Variants in AK5 observed in about 807,000 individuals in gnomAD.
AK5 encodes adenylate kinase 5.
Under a neutral mutation model 69.5 loss-of-function variants are expected in AK5, and 27 were observed. The observed-to-expected ratio is 0.39, with a 90% CI of 0.29 to 0.54. The LOEUF is 0.54. Ranked by LOEUF, AK5 falls within the 20% of genes least tolerant of loss-of-function variation. The pLI, the probability that AK5 is intolerant of heterozygous loss-of-function variation, is 0.71. For missense variants in AK5, 531 were observed against 700.4 expected (o/e 0.76, Z 2.73); for synonymous variants, 260 against 244.4 (o/e 1.06, Z -0.60).
chr1:77,541,685 A>G (rs2100372786), intron 13 of AK5, among the ~76,000 whole-genome samples: 1 of 152,290 alleles, frequency 6.6e-6, no homozygotes, highest in Middle Eastern at 3.4e-3. Flanking sequence ...GATCAGGCCT[A>G]AAAGGCTCAC....
chr1:77,404,183 A>G (rs78458037), intron 6 of AK5, among the ~76,000 whole-genome samples: 12,858 of 152,238 alleles, frequency 0.084, 729 homozygotes, highest in South Asian at 0.17. Context: ...TCCCAAAGTC[A>G]AGAAAACCTA....
chr1:77,434,107 CATAAATAAATAAATAAATAAATAA>C (rs144552494), intron 8 of AK5, among the ~76,000 whole-genome samples: 1 of 143,506 alleles, frequency 7.0e-6, no homozygotes, highest in Non-Finnish European at 1.5e-5. Context: ...GAGTGCAAAG[CATAAATAAATAAATAAATAAATAA>C]ATAAATAAAT....
chr1:77,298,104 C>A (rs1240379215), intron 5 of AK5, 157 bp downstream of exon 5: 5 of 429,904 alleles, frequency 1.2e-5, no homozygotes, highest in African/African-American at 2.0e-5. Context: ...AAGGTCATTT[C>A]TTTGGCAAAC....
intron 6 of AK5, among the ~76,000 whole-genome samples, chr1:77,364,021 C>T (rs548847428): frequency 1.1e-4 from 16 of 151,910 alleles, no homozygotes; most frequent in Admixed American, 2.6e-4. Context: ...GTGCATGGTA[C>T]GTGGAAAGTG....
At chr1:77,404,699 A>G (rs1196717163) in intron 6 of AK5, among the ~76,000 whole-genome samples, 1 of 152,206 alleles carries the variant, frequency 6.6e-6, no homozygotes, top group Non-Finnish European at 1.5e-5. Flanking sequence ...TCCTGATATA[A>G]GAGTAAATTG....
At position 77,297,655 on chromosome 1, in the gene AK5, T is replaced by TCCA; in HGVS notation, c.514_516dup (p.His172dup). 2 of 1,613,826 alleles carry TCCA rather than the reference T, an allele frequency of 1.2e-6. No individual in the cohort carries two copies. The highest frequency in any genetic ancestry group is 1.7e-6 in the Non-Finnish European group (2 of 1,179,920). ...GTGGGAGAATTATTAAGAAAGAAGA[T>TCCA]CCACAGTACCAGCAGCAATAGGAAA... On this transcript the variant is annotated inframe_insertion, in exon 4 of 14. Transcript: ENST00000354567.
chr1:77,390,837 A>T (rs1290204114), intron 6 of AK5, among the ~76,000 whole-genome samples: 1 of 152,226 alleles, frequency 6.6e-6, no homozygotes, highest in Non-Finnish European at 1.5e-5. Flanking sequence ...TAACAAAGAA[A>T]GGCAGAGGCA....
chr1:77,306,366 TATG>T (rs1659635846), intron 5 of AK5, among the ~76,000 whole-genome samples: 1 of 152,210 alleles, frequency 6.6e-6, no homozygotes, highest in African/African-American at 2.4e-5. Context: ...ATTCTATTCA[TATG>T]ATGTATCATG....
At chr1:77,361,541 C>T (rs1300750097) in intron 6 of AK5, among the ~76,000 whole-genome samples, 2 of 152,126 alleles carry the variant, frequency 1.3e-5, no homozygotes, top group Non-Finnish European at 2.9e-5. Flanking sequence ...GTTTGGGCAA[C>T]TTATACAAAG....
chr1:77,443,677 CTGTGTGTGTGTGTG>C (rs71244408), intron 8 of AK5, among the ~76,000 whole-genome samples: 18 of 134,036 alleles, frequency 1.3e-4, no homozygotes, highest in Admixed American at 3.8e-4. Context: ...TGTGGGGAGT[CTGTGTGTGTGTGTG>C]TGTGTGTGTG....
At chr1:77,536,174 CAAAA>C in intron 13 of AK5, 136 bp downstream of exon 13, 3 of 991,160 alleles carry the variant, frequency 3.0e-6, no homozygotes, top group Non-Finnish European at 4.3e-6. Flanking sequence ...GCACTGGGGC[CAAAA>C]GGCCCAGCAC....
At chr1:77,402,999 G>A (rs1649343423) in intron 6 of AK5, among the ~76,000 whole-genome samples, 1 of 152,076 alleles carries the variant, frequency 6.6e-6, no homozygotes, top group African/African-American at 2.4e-5. Context: ...TAACTGGTGT[G>A]AGATGGTATC....
intron 10 of AK5, among the ~76,000 whole-genome samples, chr1:77,510,020 G>A (rs1557644604): frequency 6.6e-6 from 1 of 152,204 alleles, no homozygotes; most frequent in African/African-American, 2.4e-5. Context: ...GAGCAGATAT[G>A]TGACTTGATC....
intron 12 of AK5, 80 bp downstream of exon 12, chr1:77,522,023 T>C: frequency 9.1e-7 from 1 of 1,102,728 alleles, no homozygotes; most frequent in Non-Finnish European, 1.3e-6. Flanking sequence ...AAAGTCTATT[T>C]CTTTCCCAAT....
intron 8 of AK5, among the ~76,000 whole-genome samples, chr1:77,435,412 G>T (rs142099129): frequency 0.012 from 1,814 of 152,280 alleles, 22 homozygotes; most frequent in Non-Finnish European, 0.016. Context: ...CACTTTGGGA[G>T]GCTGAAGCCA....
chr1:77,433,621 A>G (rs1316820887), intron 8 of AK5, among the ~76,000 whole-genome samples: 2 of 152,200 alleles, frequency 1.3e-5, no homozygotes, highest in African/African-American at 2.4e-5. Context: ...TGGAGGGATC[A>G]GGTAGGAAGA....
chr1:77,520,778 T>C (rs982458926), intron 11 of AK5, among the ~76,000 whole-genome samples: 7 of 152,264 alleles, frequency 4.6e-5, no homozygotes, highest in Non-Finnish European at 7.3e-5. Context: ...TATTTGTTCA[T>C]CTATGGTCTG....
At chr1:77,417,765 C>A (rs773337129) in intron 8 of AK5, 50 bp downstream of exon 8, 5 of 1,156,778 alleles carry the variant, frequency 4.3e-6, no homozygotes, top group East Asian at 2.4e-5. Flanking sequence ...TTAAGTTGAA[C>A]CTTTGTAAAT....
At chr1:77,350,493 G>A (rs114555175) in intron 6 of AK5, among the ~76,000 whole-genome samples, 142 of 152,336 alleles carry the variant, frequency 9.3e-4, no homozygotes, top group African/African-American at 3.3e-3. Flanking sequence ...TGGAGCATGG[G>A]AGTGACACAG....
Sources: gnomAD v4.1 joint callset for allele counts (sites outside exome capture counted in the v4.1 genomes callset) on GRCh38, gnomAD v4.1.1 for gene constraint, MANE v1.5 for transcripts, NCBI Gene and HGNC (gene_info 2026-07-23, HGNC 2026-07-21) for gene names.